Variants in PROKR2 observed in about 807,000 individuals in gnomAD.
The protein encoded by PROKR2 is prokineticin receptor 2.
A neutral mutation model predicts 23.4 loss-of-function variants in PROKR2; 26 were observed. The ratio of observed to expected loss-of-function variants is 1.11; its 90% CI spans 0.81 to 1.54. PROKR2 has a LOEUF of 1.54. PROKR2 is among the 40% of genes most tolerant of loss of function. The pLI is 0.00. For synonymous variants in PROKR2, 212 were observed against 201.2 expected (o/e 1.05, Z -0.45); for missense variants, 453 against 511.5 (o/e 0.89, Z 1.10).
intron 2 of PROKR2, 147 bp downstream of exon 2, chr20:5,313,765 G>T: frequency 1.4e-6 from 1 of 737,064 alleles, no homozygotes; most frequent in Non-Finnish European, 2.3e-6. Flanking sequence ...TGGGGGAACA[G>T]AACTCAACTG....
rs975340155 is a variant in PROKR2, at chr20:5,301,036, T to G, written c.*1004A>C. On this transcript the variant is annotated 3_prime_UTR_variant, in exon 3 of 3. Coordinates refer to ENST00000678254, the MANE Select transcript of PROKR2 (RefSeq NM_144773.4). ...GGCTGGGCTGACTATAAGAATTTTT[T>G]TTTTCTTGAAGCCAAAATCCTAGAG... 1.3e-5 allele frequency among the ~76,000 whole-genome samples: 2 copies of G among 152,212 alleles called. No homozygotes were observed. Among genetic ancestry groups the G allele is most frequent in the African/African-American group, 4.8e-5 (2 of 41,442 alleles).
Position 5,302,611 on chromosome 20 carries a change from G to C in PROKR2, c.584C>G (p.Thr195Arg). The C allele has an allele frequency of 6.2e-7, 1 of 1,614,196 alleles. No homozygotes were observed. Among genetic ancestry groups the C allele is most frequent in the East Asian group, 2.2e-5 (1 of 44,886 alleles). Reference protein sequence around the residue: ...AIPSAYFATETVLFIVKSQEK... With the variant: ...AIPSAYFATERVLFIVKSQEK... Reference sequence around the variant, plus strand: ...CTGGCTCTTGACAATAAAGAGGACCGTTTCTGTTGCAAAGTAAGCCGATGG... The same window carrying C: ...CTGGCTCTTGACAATAAAGAGGACCCTTTCTGTTGCAAAGTAAGCCGATGG... The change falls in exon 3 of 3, where the codon ACG (threonine) becomes AGG (arginine). Residue 195 changes from threonine to arginine, a missense_variant. Physicochemically the swap from Thr to Arg is moderately conservative, Grantham distance 71. Transcript: ENST00000678254.
chr20:5,314,294 A>AGGAGAG lies in PROKR2; in HGVS notation c.70_75dup (p.Leu24_Ser25dup). ...TCATAATCACCATAACTGAAGTTAAAGGAGAGGGAGGAGGCATGGTCTTGG... is the reference window on the plus strand; with the variant it reads ...TCATAATCACCATAACTGAAGTTAAAGGAGAGGGAGAGGGAGGAGGCATGGTCTTGG... On this transcript the variant is annotated inframe_insertion, in exon 2 of 3. Coordinates refer to ENST00000678254, the MANE Select transcript of PROKR2 (RefSeq NM_144773.4). 6.2e-7 allele frequency: 1 copy of AGGAGAG among 1,614,174 alleles called. No homozygotes were observed. The highest frequency in any genetic ancestry group is 8.5e-7 in the Non-Finnish European group (1 of 1,180,012).
chr20:5,308,059 T>C (rs1256562149), intron 2 of PROKR2, among the ~76,000 whole-genome samples: 4 of 152,184 alleles, frequency 2.6e-5, no homozygotes, highest in Admixed American at 2.6e-4. Context: ...ATTGTGCTTT[T>C]AATCTGTGCT....
intron 2 of PROKR2, among the ~76,000 whole-genome samples, chr20:5,306,576 G>A (rs1979227267): frequency 6.6e-6 from 1 of 152,230 alleles, no homozygotes; most frequent in Non-Finnish European, 1.5e-5. Context: ...GGCTCGAAAA[G>A]TAAAGTTTTC....
intron 2 of PROKR2, among the ~76,000 whole-genome samples, chr20:5,306,245 C>T (rs6053273): frequency 0.41 from 61,869 of 152,016 alleles, 12,699 homozygotes; most frequent in East Asian, 0.52. Context: ...ATAGCTCCAA[C>T]ATTTTCCCAT....
chr20:5,312,501 G>A (rs1979481707), intron 2 of PROKR2, among the ~76,000 whole-genome samples: 2 of 152,218 alleles, frequency 1.3e-5, no homozygotes, highest in African/African-American at 4.8e-5. Flanking sequence ...ATAAGGGATG[G>A]TTTCAGGGCT....
rs1262451568 is a variant in PROKR2, at chr20:5,313,997, G to A, written c.373C>T (p.His125Tyr). Residue 125 changes from histidine (H) to tyrosine (Y), a missense_variant, in exon 2 of 3, where the codon CAC becomes TAC. Transcript: ENST00000678254. ...VVRQLSWEHG[H>Y]VLCASVNYLR... ...TAGTTGACGGAGGCACAGAGCACGT[G>A]GCCATGCTCCCAGGAGAGCTGCCGT... The A allele has an allele frequency of 6.2e-7, 1 of 1,614,204 alleles. No homozygotes were observed. Among genetic ancestry groups the A allele is most frequent in the Non-Finnish European group, 8.5e-7 (1 of 1,180,022 alleles).
chr20:5,315,758 G>A (rs1979644569), intron 1 of PROKR2: 1 of 437,164 alleles, frequency 2.3e-6, no homozygotes, highest in Non-Finnish European at 4.6e-6. Flanking sequence ...GTCCACACCC[G>A]GAGGTGTCTT....
At chr20:5,303,893 A>G (rs1280196623) in intron 2 of PROKR2, among the ~76,000 whole-genome samples, 1 of 152,166 alleles carries the variant, frequency 6.6e-6, no homozygotes, top group African/African-American at 2.4e-5. Context: ...CGTCAGCGTA[A>G]CAATGGGACA....
intron 2 of PROKR2, among the ~76,000 whole-genome samples, chr20:5,305,138 A>G (rs1979168868): frequency 1.4e-5 from 1 of 69,532 alleles, no homozygotes; most frequent in Non-Finnish European, 3.3e-5. Context: ...TGGGCTAATC[A>G]GTTCACTCTA....
rs1978995262 is a variant in PROKR2 at position 5,301,685 on chromosome 20, T to A, written c.*355A>T. Among the ~76,000 whole-genome samples the A allele has an allele frequency of 6.6e-6, 1 of 152,210 alleles. No individual in the cohort carries two copies. The highest frequency in any genetic ancestry group is 1.5e-5 in the Non-Finnish European group (1 of 68,032). ...TTTTTGATTGTAATCAAATCAAGTG[T>A]TTTTTATTACAGTAGGTGAAGAGTA... On this transcript the variant is annotated 3_prime_UTR_variant, in exon 3 of 3. Coordinates refer to ENST00000678254, the MANE Select transcript of PROKR2 (RefSeq NM_144773.4).
rs77771743 is a variant in PROKR2, at chr20:5,305,071, G to A, written c.459-2335C>T. 4.6e-3 allele frequency among the ~76,000 whole-genome samples: 693 copies of A among 152,226 alleles called. 2 individuals are homozygous for A. The highest frequency in any genetic ancestry group is 6.8e-3 in the Non-Finnish European group (463 of 68,006). On this transcript the variant is annotated intron_variant, in intron 2 of 2. Coordinates refer to ENST00000678254, the MANE Select transcript of PROKR2 (RefSeq NM_144773.4). Reference sequence around the variant, plus strand: ...TCAGTGAGTCAGGCCACCAGATAGGGGAAAAAAGAAAACTGCTGAGCCCAA... The same window carrying A: ...TCAGTGAGTCAGGCCACCAGATAGGAGAAAAAAGAAAACTGCTGAGCCCAA...
chr20:5,309,435 T>C (rs6053284), intron 2 of PROKR2, among the ~76,000 whole-genome samples: 107,329 of 151,878 alleles, frequency 0.71, 37,918 homozygotes, highest in Non-Finnish European at 0.72. Flanking sequence ...CTGATGACTT[T>C]TTCCCTTTCC....
chr20:5,307,689 G>T (rs1241261668), intron 2 of PROKR2, among the ~76,000 whole-genome samples: 1 of 152,212 alleles, frequency 6.6e-6, no homozygotes, highest in African/African-American at 2.4e-5. Context: ...GAACAAAATG[G>T]TCAGATGGTA....
chr20:5,302,078 G>C lies in PROKR2; in HGVS notation c.1117C>G (p.Pro373Ala), dbSNP rs866410846. The change falls in exon 3 of 3, where the codon CCC (proline) becomes GCC (alanine). Residue 373 changes from proline (P) to alanine (A), a missense_variant. Pro to Ala is a conservative substitution (Grantham distance 27). Transcript: ENST00000678254. Reference sequence around the variant, plus strand: ...ATACAGTCCACCTCTTCTGTGGTGGGCACCCCGTTGGTTCTGAGGTCAAGG... The same window carrying C: ...ATACAGTCCACCTCTTCTGTGGTGGCCACCCCGTTGGTTCTGAGGTCAAGG... ...ADLDLRTNGV[P>A]TTEEVDCIRL... 1.2e-6 allele frequency: 2 copies of C among 1,614,116 alleles called. No homozygotes were observed. Among genetic ancestry groups the C allele is most frequent in the Middle Eastern group, 1.6e-4 (1 of 6,062 alleles).
chr20:5,307,526 A>G (rs2180575), intron 2 of PROKR2, among the ~76,000 whole-genome samples: 77,611 of 152,102 alleles, frequency 0.51, 20,121 homozygotes, highest in African/African-American at 0.61. Flanking sequence ...AATAATGAAC[A>G]TACTTGTTTA....
At chr20:5,303,799 T>G (rs759027073) in intron 2 of PROKR2, among the ~76,000 whole-genome samples, 2 of 152,096 alleles carry the variant, frequency 1.3e-5, no homozygotes, top group Non-Finnish European at 2.9e-5. Context: ...GTGTACTTCA[T>G]ACCTGGAGCT....
In PROKR2 at chr20:5,302,560, C is replaced by T. The variant is rs1979041560; in HGVS notation, c.635G>A (p.Trp212Ter). 2.5e-6 allele frequency: 4 copies of T among 1,614,154 alleles called. No homozygotes were observed. In the East Asian group the frequency reaches 6.7e-5, roughly 27 times the overall value. The change falls in exon 3 of 3, where the codon TGG becomes TAG. Residue 212 changes from tryptophan (W) to a stop codon, truncating the protein, a stop_gained. Transcript: ENST00000678254. LOFTEE classifies it high-confidence loss of function. ...GTAGTAGAGCTGCTGATCCACAGGC[C>T]AGATCTGGCCACAGAAGATCTTCTC... ...SQEKIFCGQI[W>*]PVDQQLYYKS... is the part of the protein sequence containing the mutation.
Sources: gnomAD v4.1 joint callset for allele counts (sites outside exome capture counted in the v4.1 genomes callset) on GRCh38, gnomAD v4.1.1 for gene constraint, MANE v1.5 for transcripts, NCBI Gene and HGNC (gene_info 2026-07-23, HGNC 2026-07-21) for gene names.